Variants in PYGO1 observed in about 807,000 individuals in gnomAD.
PYGO1 encodes pygopus family PHD finger 1.
Under a neutral mutation model 29.5 loss-of-function variants are expected in PYGO1, and 6 were observed. The ratio of observed to expected loss-of-function variants is 0.20; its 90% CI spans 0.11 to 0.40. The LOEUF (loss-of-function observed/expected upper bound fraction) is 0.40, where lower values mean the gene tolerates loss of function less well. Among genes scored for constraint, PYGO1 ranks in the 10% least tolerant of loss-of-function variants. The pLI is 1.00. For missense variants in PYGO1, 515 were observed against 514.9 expected (o/e 1.00, Z 0.00); for synonymous variants, 186 against 180.5 (o/e 1.03, Z -0.24).
intron 1 of PYGO1, among the ~76,000 whole-genome samples, chr15:55,576,519 C>A (rs1423000113): frequency 3.4e-5 from 5 of 148,122 alleles, no homozygotes; most frequent in Admixed American, 6.8e-5. Context: ...GCCTGTAATC[C>A]CAGCACTTTG....
At position 55,546,230 on chromosome 15, in the gene PYGO1, G is replaced by T; in HGVS notation, c.1053C>A (p.Asn351Lys). ...CACATAAGATGGCATCCTGATCATC[G>T]TTCACCTCGTTTGTACAAATTCCAC... Reference protein sequence around the residue: ...YPCGICTNEVNDDQDAILCEA... With the variant: ...YPCGICTNEVKDDQDAILCEA... The change falls in exon 3 of 3, where the codon AAC (asparagine) becomes AAA (lysine). Residue 351 changes from asparagine (N) to lysine (K), a missense_variant. By Grantham distance (94) the Asn-to-Lys change is moderately conservative. Transcript: ENST00000563719. 1.2e-6 allele frequency: 2 copies of T among 1,614,136 alleles called. No individual in the cohort carries two copies. Among genetic ancestry groups the T allele is most frequent in the Non-Finnish European group, 1.7e-6 (2 of 1,180,012 alleles).
At chr15:55,570,423 T>C (rs2058975455) in intron 1 of PYGO1, among the ~76,000 whole-genome samples, 2 of 152,198 alleles carry the variant, frequency 1.3e-5, no homozygotes, top group Non-Finnish European at 2.9e-5. Flanking sequence ...ATTTTCAATC[T>C]TGGCTGCATG....
At chr15:55,551,083 C>T (rs2141648652) in intron 1 of PYGO1, among the ~76,000 whole-genome samples, 1 of 152,310 alleles carries the variant, frequency 6.6e-6, no homozygotes, top group Middle Eastern at 3.4e-3. Flanking sequence ...AGGCGGAGCT[C>T]AGGCAGTAAT....
intron 1 of PYGO1, among the ~76,000 whole-genome samples, chr15:55,574,046 T>C (rs1249645478): frequency 6.6e-6 from 1 of 152,246 alleles, no homozygotes; most frequent in Non-Finnish European, 1.5e-5. Context: ...ATGGCTTTTC[T>C]GTTTCTTGGG....
chr15:55,578,609 T>G (rs1229843325), intron 1 of PYGO1, among the ~76,000 whole-genome samples: 1 of 152,250 alleles, frequency 6.6e-6, no homozygotes, highest in Non-Finnish European at 1.5e-5. Context: ...TGACTAATGA[T>G]GCCAAGCATC....
rs569925748 is a variant in PYGO1, at chr15:55,579,481, T to G, written c.49+8354A>C. Among the ~76,000 whole-genome samples the G allele has an allele frequency of 7.8e-4, 119 of 152,290 alleles. 2 individuals are homozygous for G. Among genetic ancestry groups the G allele is most frequent in the African/African-American group, 2.8e-3 (117 of 41,564 alleles). ...ATTATTAATAAATTAATCTCCAATC[T>G]CTAATCTAGGACATCTAAATTATTA... On this transcript the variant is annotated intron_variant, in intron 1 of 2. Transcript: ENST00000563719.
intron 1 of PYGO1, among the ~76,000 whole-genome samples, chr15:55,563,977 C>T (rs1422114293): frequency 2.0e-5 from 3 of 152,124 alleles, no homozygotes; most frequent in African/African-American, 7.2e-5. Flanking sequence ...AATGGTACAG[C>T]CACCGTGGAA....
Position 55,546,336 on chromosome 15 carries a change from G to A in PYGO1, c.947C>T (p.Ala316Val), listed in dbSNP as rs1027394940. 2 of 1,614,014 alleles carry A rather than the reference G, an allele frequency of 1.2e-6. No homozygotes were observed. The highest frequency in any genetic ancestry group is 1.7e-5 in the Admixed American group (1 of 59,990). Residue 316 changes from alanine (A) to valine (V), a missense_variant, in exon 3 of 3, where the codon GCC (alanine) becomes GTC (valine). By Grantham distance (64) the Ala-to-Val change is moderately conservative (BLOSUM62 0). Transcript: ENST00000563719. ...KPRQPRGAADACTTEKSNKSS... is the reference protein window; with the variant it reads ...KPRQPRGAADVCTTEKSNKSS... ...TTTATTGCTTTTTTCTGTGGTGCAG[G>A]CATCTGCTGCACCTCTTGGTTGTCG...
intron 1 of PYGO1, among the ~76,000 whole-genome samples, chr15:55,575,934 A>G (rs1056861830): frequency 6.6e-6 from 1 of 152,194 alleles, no homozygotes; most frequent in Non-Finnish European, 1.5e-5. Context: ...CCTTTGTTCC[A>G]CAGCCTTAGG....
At chr15:55,565,115 G>A (rs186887643) in intron 1 of PYGO1, among the ~76,000 whole-genome samples, 14 of 152,180 alleles carry the variant, frequency 9.2e-5, no homozygotes, top group African/African-American at 2.9e-4. Flanking sequence ...AATTAGTTCA[G>A]GTCCGCCCAG....
At chr15:55,576,579 T>C (rs2059003202) in intron 1 of PYGO1, among the ~76,000 whole-genome samples, 2 of 148,164 alleles carry the variant, frequency 1.3e-5, no homozygotes, top group African/African-American at 5.0e-5. Context: ...CAGACCAGCC[T>C]GGCCAACATG....
At chr15:55,587,807 C>A in intron 1 of PYGO1, 28 bp downstream of exon 1, 1 of 1,478,840 alleles carries the variant, frequency 6.8e-7, no homozygotes, top group Non-Finnish European at 9.0e-7. Context: ...CACCCCGGTT[C>A]CCCCAATCCG....
chr15:55,563,406 G>A (rs7175295), intron 1 of PYGO1, among the ~76,000 whole-genome samples: 10 of 139,520 alleles, frequency 7.2e-5, no homozygotes, highest in Non-Finnish European at 1.1e-4. Context: ...TTGCTCTGTC[G>A]CCCAGGCTGG....
At chr15:55,574,626 G>C (rs1401135784) in intron 1 of PYGO1, among the ~76,000 whole-genome samples, 2 of 144,962 alleles carry the variant, frequency 1.4e-5, no homozygotes, top group Non-Finnish European at 3.0e-5. Flanking sequence ...TCAAACCCAT[G>C]TTGTTCAAAG....
intron 1 of PYGO1, among the ~76,000 whole-genome samples, chr15:55,550,875 C>T (rs1032779105): frequency 3.3e-5 from 5 of 152,228 alleles, no homozygotes; most frequent in African/African-American, 1.2e-4. Context: ...GACCAGTGAT[C>T]CCCAACCTTT....
At chr15:55,585,558 C>T (rs28693968) in intron 1 of PYGO1, among the ~76,000 whole-genome samples, 90,678 of 152,020 alleles carry the variant, frequency 0.6, 27,949 homozygotes, top group Non-Finnish European at 0.67. Flanking sequence ...CATAAAAATA[C>T]TGACTTTTTA....
chr15:55,561,915 C>A (rs1300411019), intron 1 of PYGO1, among the ~76,000 whole-genome samples: 1 of 152,112 alleles, frequency 6.6e-6, no homozygotes, highest in Non-Finnish European at 1.5e-5. Flanking sequence ...AGTGAACAGA[C>A]AACCTACAGA....
rs776587988 is a variant in PYGO1 at position 55,543,291 on chromosome 15, A to T, written c.*2732T>A. The T allele has an allele frequency of 6.6e-5, 10 of 152,208 alleles. No homozygotes were observed. Among genetic ancestry groups the T allele is most frequent in the Non-Finnish European group, 1.5e-4 (10 of 68,042 alleles). The allele number at this position is 152,208 out of a possible 1,614,324, so 9.4% of individuals were successfully genotyped here. ...TGGCTATTCTTACAGTTCATCACTT[A>T]TTCCATCCAAAAGCATCTATATAAC... On this transcript the variant is annotated 3_prime_UTR_variant, in exon 3 of 3. Transcript: ENST00000563719.
At position 55,543,885 on chromosome 15, in the gene PYGO1, G is replaced by C. The variant is rs1344768878; in HGVS notation, c.*2138C>G. The C allele has an allele frequency of 1.3e-5, 2 of 151,994 alleles. No individual in the cohort carries two copies. Among genetic ancestry groups the C allele is most frequent in the African/African-American group, 4.8e-5 (2 of 41,390 alleles). 9.4% of individuals were successfully genotyped at this position (151,994 alleles called of 1,614,324 possible). A position where few individuals can be genotyped will look rare whatever the true frequency, so the allele number is the denominator to read the frequency against. ...TAAACTTTCAGGAGCAACATAACTA[G>C]GTCCTTAAACATTTAGAGAAATATG... On this transcript the variant is annotated 3_prime_UTR_variant, in exon 3 of 3. Transcript: ENST00000563719.
Sources: gnomAD v4.1 joint callset for allele counts (sites outside exome capture counted in the v4.1 genomes callset) on GRCh38, gnomAD v4.1.1 for gene constraint, MANE v1.5 for transcripts, NCBI Gene and HGNC (gene_info 2026-07-23, HGNC 2026-07-21) for gene names.